MTUS2: variants seen among roughly 807,000 people sequenced by gnomAD.
The protein encoded by MTUS2 is microtubule associated scaffold protein 2, also known as microtubule-associated tumor suppressor candidate 2.
MTUS2 carries 40 observed loss-of-function variants against 114.1 expected under a neutral mutation model. The observed-to-expected ratio is 0.35, with a 90% CI of 0.27 to 0.46. The LOEUF (loss-of-function observed/expected upper bound fraction) is 0.46. Ranked by LOEUF, MTUS2 falls within the 20% of genes least tolerant of loss-of-function variation. MTUS2 has a pLI of 1.00. For missense variants in MTUS2, 1,679 were observed against 1,705.4 expected (o/e 0.98, Z 0.27); for synonymous variants, 688 against 672.0 (o/e 1.02, Z -0.37).
At chr13:29,062,305 A>G (rs550667263) in intron 4 of MTUS2, among the ~76,000 whole-genome samples, 227 of 152,336 alleles carry the variant, frequency 1.5e-3, no homozygotes, top group Admixed American at 2.8e-3. Context: ...CTTTAAAAAC[A>G]TGTTAGTATG....
chr13:29,339,045 G>A, intron 7 of MTUS2, among the ~76,000 whole-genome samples: 1 of 152,166 alleles, frequency 6.6e-6, no homozygotes, highest in East Asian at 1.9e-4. Flanking sequence ...TGGAGGCTCA[G>A]GAGAAGGTGG....
At chr13:29,114,668 G>T (rs1313242687) in intron 5 of MTUS2, among the ~76,000 whole-genome samples, 7 of 152,074 alleles carry the variant, frequency 4.6e-5, no homozygotes, top group Non-Finnish European at 8.8e-5. Flanking sequence ...TAACTGAGAA[G>T]GGAATAAGGA....
chr13:29,229,189 T>G (rs1048581605), intron 5 of MTUS2, among the ~76,000 whole-genome samples: 1 of 152,220 alleles, frequency 6.6e-6, no homozygotes, highest in African/African-American at 2.4e-5. Context: ...ACCTCTAGTT[T>G]TCTGCAGTAA....
intron 2 of MTUS2, among the ~76,000 whole-genome samples, chr13:29,016,266 A>C (rs924846501): frequency 6.6e-6 from 1 of 152,114 alleles, no homozygotes; most frequent in Admixed American, 6.5e-5. Context: ...CATCCAAGAC[A>C]AAAACAAAAC....
chr13:29,080,956 C>CCT (rs1889415096), intron 4 of MTUS2, among the ~76,000 whole-genome samples: 1 of 152,144 alleles, frequency 6.6e-6, no homozygotes. Context: ...GAACTCCTGA[C>CCT]CTCTGGTGAT....
intron 7 of MTUS2, among the ~76,000 whole-genome samples, chr13:29,333,927 G>A (rs188072481): frequency 6.0e-4 from 92 of 152,256 alleles, no homozygotes; most frequent in African/African-American, 1.9e-3. Context: ...CATTGATCCC[G>A]TTACCATTAT....
chr13:29,316,502 C>A (rs1166707974), intron 6 of MTUS2, among the ~76,000 whole-genome samples: 1 of 152,176 alleles, frequency 6.6e-6, no homozygotes, highest in Non-Finnish European at 1.5e-5. Flanking sequence ...CTCCCCAACA[C>A]CCCGACTCTC....
intron 6 of MTUS2, among the ~76,000 whole-genome samples, chr13:29,312,898 G>C (rs879610649): frequency 1.3e-5 from 2 of 152,078 alleles, no homozygotes; most frequent in African/African-American, 4.8e-5. Context: ...AGAGGTACTA[G>C]GAAGAAACAA....
At chr13:28,946,711 A>G (rs1882551747) in intron 2 of MTUS2, among the ~76,000 whole-genome samples, 1 of 151,932 alleles carries the variant, frequency 6.6e-6, no homozygotes, top group South Asian at 2.1e-4. Flanking sequence ...ATTAGACAAC[A>G]GGGTTTTTTT....
chr13:28,867,292 CT>C (rs938955638), intron 2 of MTUS2, among the ~76,000 whole-genome samples: 1 of 152,116 alleles, frequency 6.6e-6, no homozygotes, highest in African/African-American at 2.4e-5. Context: ...AACCAAAGCT[CT>C]TTTTTTCTTC....
At chr13:28,973,247 A>G (rs1454522689) in intron 2 of MTUS2, among the ~76,000 whole-genome samples, 1 of 152,196 alleles carries the variant, frequency 6.6e-6, no homozygotes, top group African/African-American at 2.4e-5. Flanking sequence ...CACTCTTAGC[A>G]AGAGTAATGA....
At chr13:28,831,522 G>A (rs1284719046) in intron 1 of MTUS2, among the ~76,000 whole-genome samples, 1 of 144,128 alleles carries the variant, frequency 6.9e-6, no homozygotes, top group African/African-American at 2.6e-5. Flanking sequence ...GAAACAGATT[G>A]TAAGTCAAAA....
chr13:29,204,376 C>T (rs922386385), intron 5 of MTUS2, among the ~76,000 whole-genome samples: 1 of 152,164 alleles, frequency 6.6e-6, no homozygotes, highest in Non-Finnish European at 1.5e-5. Context: ...CCGGGGTTGC[C>T]AAGCCTTCCA....
intron 7 of MTUS2, among the ~76,000 whole-genome samples, chr13:29,335,965 G>A (rs11839931): frequency 0.076 from 11,467 of 151,786 alleles, 1,359 homozygotes; most frequent in African/African-American, 0.25. Flanking sequence ...CCTTTTTCCC[G>A]CTTGATGGAT....
intron 2 of MTUS2, among the ~76,000 whole-genome samples, chr13:28,953,713 T>C (rs1186902882): frequency 6.6e-6 from 1 of 152,248 alleles, no homozygotes; most frequent in Non-Finnish European, 1.5e-5. Flanking sequence ...GTTGTACATA[T>C]AGTCCCCTCC....
intron 9 of MTUS2, among the ~76,000 whole-genome samples, chr13:29,475,149 A>C (rs1304661062): frequency 6.6e-6 from 1 of 152,218 alleles, no homozygotes; most frequent in Non-Finnish European, 1.5e-5. Context: ...AACAGACCTC[A>C]TGTACAAAGG....
chr13:29,203,413 A>G (rs887570045), intron 5 of MTUS2, among the ~76,000 whole-genome samples: 2 of 152,218 alleles, frequency 1.3e-5, no homozygotes, highest in African/African-American at 4.8e-5. Context: ...GCTGGCAGCG[A>G]GAATTTCAAG....
intron 10 of MTUS2, among the ~76,000 whole-genome samples, chr13:29,483,250 T>C (rs999656968): frequency 6.6e-6 from 1 of 152,224 alleles, no homozygotes; most frequent in Admixed American, 6.5e-5. Flanking sequence ...GCTTCAGTTC[T>C]GACACGCAGG....
intron 2 of MTUS2, among the ~76,000 whole-genome samples, chr13:28,969,031 T>C (rs919572489): frequency 6.6e-6 from 1 of 152,196 alleles, no homozygotes; most frequent in Admixed American, 6.5e-5. Context: ...GCTGCAATTT[T>C]TTGTATAATT....
Sources: gnomAD v4.1 joint callset for allele counts (sites outside exome capture counted in the v4.1 genomes callset) on GRCh38, gnomAD v4.1.1 for gene constraint, MANE v1.5 for transcripts, NCBI Gene and HGNC (gene_info 2026-07-23, HGNC 2026-07-21) for gene names.